The following ADAMTS12 variants were observed in gnomAD, a reference collection of about 807,000 sequenced individuals.
ADAMTS12 encodes the protein A disintegrin and metalloproteinase with thrombospondin motifs 12.
Under a neutral mutation model 167.8 loss-of-function variants are expected in ADAMTS12, and 118 were observed. That is an observed-to-expected ratio of 0.70 (90% CI 0.61 to 0.82). The LOEUF (loss-of-function observed/expected upper bound fraction) is 0.82, where lower values mean the gene tolerates loss of function less well. ADAMTS12 is among the 40% of genes least tolerant of loss of function. The probability of loss-of-function intolerance (pLI) is 0.00; values close to 1 mark genes in which losing one functional copy is unlikely to be tolerated. For missense variants in ADAMTS12, 1,916 were observed against 1,998.8 expected (o/e 0.96, Z 0.79); for synonymous variants, 704 against 716.9 (o/e 0.98, Z 0.29).
At chr5:33,564,317 G>A (rs1579671968) in intron 19 of ADAMTS12, among the ~76,000 whole-genome samples, 1 of 152,342 alleles carries the variant, frequency 6.6e-6, no homozygotes, top group East Asian at 1.9e-4. Context: ...AACTGGGACA[G>A]GCAGGAGGTT....
intron 4 of ADAMTS12, 62 bp downstream of exon 4, chr5:33,683,797 T>C: frequency 7.8e-6 from 10 of 1,282,304 alleles, no homozygotes; most frequent in Non-Finnish European, 1.0e-5. Flanking sequence ...TATTTATTTA[T>C]GTAAGCATTT....
intron 2 of ADAMTS12, among the ~76,000 whole-genome samples, chr5:33,804,751 T>A (rs1401666915): frequency 6.6e-6 from 1 of 152,136 alleles, no homozygotes; most frequent in East Asian, 1.9e-4. Flanking sequence ...AAGGGTGGCA[T>A]CAGAATCATT....
chr5:33,890,630 G>C (rs1338913398), intron 1 of ADAMTS12, among the ~76,000 whole-genome samples: 1 of 152,222 alleles, frequency 6.6e-6, no homozygotes, highest in Non-Finnish European at 1.5e-5. Flanking sequence ...ACTTCCCGAG[G>C]CTTCAGCACA....
chr5:33,562,987 C>T (rs2111898260), intron 19 of ADAMTS12, among the ~76,000 whole-genome samples: 1 of 152,238 alleles, frequency 6.6e-6, no homozygotes, highest in Admixed American at 6.5e-5. Flanking sequence ...TGTTACAACA[C>T]ATATATAACA....
intron 20 of ADAMTS12, among the ~76,000 whole-genome samples, chr5:33,557,411 G>C (rs143810368): frequency 6.6e-6 from 1 of 152,194 alleles, no homozygotes; most frequent in Non-Finnish European, 1.5e-5. Context: ...GCCACAAAGA[G>C]AGCATAAAAG....
intron 2 of ADAMTS12, among the ~76,000 whole-genome samples, chr5:33,802,005 C>G (rs142082916): frequency 1.3e-5 from 2 of 152,268 alleles, no homozygotes; most frequent in Non-Finnish European, 2.9e-5. Context: ...GAGAATGGAG[C>G]CCTCATGAAT....
chr5:33,602,960 A>C (rs1179770197), intron 16 of ADAMTS12, among the ~76,000 whole-genome samples: 2 of 152,320 alleles, frequency 1.3e-5, no homozygotes, highest in Non-Finnish European at 2.9e-5. Flanking sequence ...TTTTTGAACA[A>C]AGGGAGAATG....
intron 2 of ADAMTS12, among the ~76,000 whole-genome samples, chr5:33,832,676 A>G (rs1748345762): frequency 6.6e-6 from 1 of 152,162 alleles, no homozygotes; most frequent in African/African-American, 2.4e-5. Context: ...TTTTCCCTTG[A>G]TGCGGCTTGG....
At position 33,891,879 on chromosome 5, in the gene ADAMTS12, A is replaced by G. The variant is rs763359262; in HGVS notation, c.-23T>C. On this transcript the variant is annotated 5_prime_UTR_variant, in exon 1 of 24. Transcript: ENST00000504830. ...CATGATTCAGATGTTGAGGAGAAGA[A>G]AAGTCAAAAAAGTTTTAGCCCTCAG... The G allele has an allele frequency of 1.2e-6, 2 of 1,605,822 alleles. No homozygotes were observed. The highest frequency in any genetic ancestry group is 2.2e-5 in the South Asian group (2 of 89,568).
intron 3 of ADAMTS12, among the ~76,000 whole-genome samples, chr5:33,689,432 TAGA>T (rs1357125006): frequency 2.6e-5 from 4 of 151,066 alleles, no homozygotes; most frequent in African/African-American, 4.9e-5. Flanking sequence ...AAATCATACA[TAGA>T]AGAAGTTCGA....
At chr5:33,583,190 A>C (rs1271078059) in intron 18 of ADAMTS12, among the ~76,000 whole-genome samples, 1 of 152,084 alleles carries the variant, frequency 6.6e-6, no homozygotes, top group East Asian at 1.9e-4. Context: ...CTCTATGTCC[A>C]TAAGTTCAAT....
intron 2 of ADAMTS12, among the ~76,000 whole-genome samples, chr5:33,856,744 A>G (rs1749415711): frequency 6.6e-6 from 1 of 152,218 alleles, no homozygotes; most frequent in Non-Finnish European, 1.5e-5. Flanking sequence ...AAAAAAGACC[A>G]GGGATAACAA....
At chr5:33,740,783 G>A (rs1744542196) in intron 3 of ADAMTS12, among the ~76,000 whole-genome samples, 1 of 152,134 alleles carries the variant, frequency 6.6e-6, no homozygotes, top group Non-Finnish European at 1.5e-5. Context: ...GAAAGGGAGA[G>A]GCCAGGTGGG....
chr5:33,597,683 ATTT>A (rs68042107), intron 16 of ADAMTS12, among the ~76,000 whole-genome samples: 71,711 of 150,306 alleles, frequency 0.48, 17,772 homozygotes, highest in South Asian at 0.62. Flanking sequence ...AAAAAGAACA[ATTT>A]TTTTTTTTTG....
At chr5:33,832,110 ACTAT>A (rs1748323234) in intron 2 of ADAMTS12, among the ~76,000 whole-genome samples, 1 of 152,208 alleles carries the variant, frequency 6.6e-6, no homozygotes. Context: ...CATTGCTGAA[ACTAT>A]CTGATAGATT....
intron 2 of ADAMTS12, among the ~76,000 whole-genome samples, chr5:33,780,573 T>C (rs979381678): frequency 3.9e-5 from 6 of 152,174 alleles, no homozygotes; most frequent in Non-Finnish European, 7.4e-5. Flanking sequence ...TTCAGGTAGA[T>C]TGACGCAAAA....
In ADAMTS12 at chr5:33,624,325, A is replaced by G. The variant is rs61748198; in HGVS notation, c.2049T>C (p.Asp683=). 0.096 allele frequency: 154,942 copies of G among 1,613,860 alleles called. 9,223 individuals carry two copies. The highest frequency in any genetic ancestry group is 0.3 in the East Asian group (13,534 of 44,802). The change falls in exon 14 of 24, where the codon GAT becomes GAC. Residue 683 remains aspartate, a synonymous_variant. Transcript: ENST00000504830. ...CKMVGCDYEI[D]SNATEDRCGV... ...CGCAGCGATCCTCGGTGGCATTGGA[A>G]TCGATCTCATAGTCACAGCCAACCA... is the stretch of plus-strand genomic sequence containing the variant.
intron 12 of ADAMTS12, among the ~76,000 whole-genome samples, chr5:33,636,748 G>A (rs1740216402): frequency 6.6e-6 from 1 of 152,032 alleles, no homozygotes; most frequent in Non-Finnish European, 1.5e-5. Context: ...CTTTAACACA[G>A]GAAAATCTTT....
chr5:33,678,920 A>C (rs1023801037), intron 5 of ADAMTS12, among the ~76,000 whole-genome samples: 2 of 152,200 alleles, frequency 1.3e-5, no homozygotes, highest in African/African-American at 4.8e-5. Context: ...ATATAAATGG[A>C]GATGGTCAGA....
Sources: gnomAD v4.1 joint callset for allele counts (sites outside exome capture counted in the v4.1 genomes callset) on GRCh38, gnomAD v4.1.1 for gene constraint, MANE v1.5 for transcripts, NCBI Gene and HGNC (gene_info 2026-07-23, HGNC 2026-07-21) for gene names.